The following FGF12 variants were observed in gnomAD, a reference collection of about 807,000 sequenced individuals.
FGF12 encodes fibroblast growth factor 12B.
A neutral mutation model predicts 23.6 loss-of-function variants in FGF12; 14 were observed. That is an observed-to-expected ratio of 0.59 (90% CI 0.39 to 0.93). The LOEUF (loss-of-function observed/expected upper bound fraction) is 0.93. FGF12 is among the 40% of genes least tolerant of loss of function. The pLI, the probability that FGF12 is intolerant of heterozygous loss-of-function variation, is 0.00. For missense variants in FGF12, 175 were observed against 217.8 expected (o/e 0.80, Z 1.24); for synonymous variants, 62 against 77.3 (o/e 0.80, Z 1.04).
intron 2 of FGF12, among the ~76,000 whole-genome samples, chr3:192,658,830 T>C (rs7645453): frequency 0.56 from 84,881 of 151,210 alleles, 24,238 homozygotes; most frequent in East Asian, 0.67. Flanking sequence ...TCTCTGGAAA[T>C]TTTATAGGCT....
intron 5 of FGF12, among the ~76,000 whole-genome samples, chr3:192,158,378 C>CT (rs1490109116): frequency 9.0e-6 from 1 of 111,170 alleles, no homozygotes. Flanking sequence ...TTCTTTCTTT[C>CT]TTTCTTTTCT....
At chr3:192,657,089 T>G (rs893713536) in intron 2 of FGF12, among the ~76,000 whole-genome samples, 2 of 144,784 alleles carry the variant, frequency 1.4e-5, no homozygotes, top group Admixed American at 7.1e-5. Flanking sequence ...ATATCTATGT[T>G]CTCTGCTGAG....
At chr3:192,308,466 T>C (rs1489411119) in intron 4 of FGF12, among the ~76,000 whole-genome samples, 1 of 151,892 alleles carries the variant, frequency 6.6e-6, no homozygotes, top group Non-Finnish European at 1.5e-5. Flanking sequence ...TCACTTGAGG[T>C]TGGGAATTTG....
intron 4 of FGF12, among the ~76,000 whole-genome samples, chr3:192,231,412 T>C (rs906337183): frequency 3.3e-5 from 5 of 152,282 alleles, no homozygotes; most frequent in African/African-American, 1.2e-4. Context: ...TTTTCATGCA[T>C]TTAAATTAGG....
At chr3:192,709,844 C>T (rs528621750) in intron 2 of FGF12, among the ~76,000 whole-genome samples, 2 of 152,288 alleles carry the variant, frequency 1.3e-5, no homozygotes, top group South Asian at 4.1e-4. Context: ...TACCATATTG[C>T]ATCTTGAACA....
intron 2 of FGF12, among the ~76,000 whole-genome samples, chr3:192,447,280 G>C (rs550393503): frequency 6.6e-6 from 1 of 152,184 alleles, no homozygotes; most frequent in Non-Finnish European, 1.5e-5. Context: ...TTTGTAGAAG[G>C]AGGGAGAATC....
chr3:192,154,626 G>GGGGGTCA (rs1259142017), intron 5 of FGF12, among the ~76,000 whole-genome samples: 3 of 150,418 alleles, frequency 2.0e-5, no homozygotes, highest in African/African-American at 2.5e-5. Flanking sequence ...TAGGCTGCTC[G>GGGGGTCA]GGGGTCAGGG....
intron 2 of FGF12, among the ~76,000 whole-genome samples, chr3:192,563,301 T>G (rs1312349681): frequency 6.6e-6 from 1 of 152,226 alleles, no homozygotes; most frequent in African/African-American, 2.4e-5. Context: ...CAATCTTTAA[T>G]ATCTCTCATA....
At chr3:192,158,338 C>CTTTCTT (rs1714566973) in intron 5 of FGF12, among the ~76,000 whole-genome samples, 1 of 69,094 alleles carries the variant, frequency 1.4e-5, no homozygotes, top group Non-Finnish European at 3.3e-5. Flanking sequence ...CTTTCTCTTT[C>CTTTCTT]TTTCTTTCTT....
At chr3:192,655,306 G>A (rs1435205512) in intron 2 of FGF12, among the ~76,000 whole-genome samples, 1 of 152,154 alleles carries the variant, frequency 6.6e-6, no homozygotes, top group Non-Finnish European at 1.5e-5. Context: ...ACAATTTTAA[G>A]AGGGACTTCA....
chr3:192,563,434 C>A (rs1712134927), intron 2 of FGF12, among the ~76,000 whole-genome samples: 1 of 152,180 alleles, frequency 6.6e-6, no homozygotes, highest in African/African-American at 2.4e-5. Flanking sequence ...TCCCATCCTC[C>A]TCCTAGTTTG....
intron 2 of FGF12, among the ~76,000 whole-genome samples, chr3:192,457,469 A>T (rs866889724): frequency 2.6e-5 from 4 of 152,178 alleles, no homozygotes; most frequent in Admixed American, 6.5e-5. Context: ...GGAGATGAGG[A>T]ACTTGTTGGG....
intron 4 of FGF12, among the ~76,000 whole-genome samples, chr3:192,268,300 T>C (rs1457710387): frequency 6.6e-6 from 1 of 152,166 alleles, no homozygotes; most frequent in East Asian, 1.9e-4. Context: ...TCTGGGGAGC[T>C]GTGGTGGCCT....
intron 2 of FGF12, among the ~76,000 whole-genome samples, chr3:192,692,484 C>A (rs540572050): frequency 6.6e-6 from 1 of 152,114 alleles, no homozygotes. Flanking sequence ...GCAGGCAGAT[C>A]GCTAGAGCTC....
At chr3:192,463,176 T>C (rs1340867324) in intron 2 of FGF12, among the ~76,000 whole-genome samples, 1 of 152,164 alleles carries the variant, frequency 6.6e-6, no homozygotes, top group Non-Finnish European at 1.5e-5. Context: ...CCCAGCACTT[T>C]GTGGGGCTGA....
chr3:192,158,357 T>TCTTC (rs1560171352), intron 5 of FGF12, among the ~76,000 whole-genome samples: 4 of 113,754 alleles, frequency 3.5e-5, no homozygotes, highest in African/African-American at 1.2e-4. Context: ...TTTCTTTCTT[T>TCTTC]CTTTCTTTCT....
chr3:192,641,761 A>G (rs1459560013), intron 2 of FGF12, among the ~76,000 whole-genome samples: 1 of 152,228 alleles, frequency 6.6e-6, no homozygotes, highest in Non-Finnish European at 1.5e-5. Flanking sequence ...AATGAAAATT[A>G]TATAAAATTC....
At chr3:192,334,427 C>T (rs1717284730) in intron 4 of FGF12, among the ~76,000 whole-genome samples, 1 of 151,822 alleles carries the variant, frequency 6.6e-6, no homozygotes, top group African/African-American at 2.4e-5. Flanking sequence ...TTACTGAGAT[C>T]ATAAAAAGTA....
chr3:192,226,508 T>C (rs1203770967), intron 4 of FGF12, among the ~76,000 whole-genome samples: 6 of 152,164 alleles, frequency 3.9e-5, no homozygotes, highest in African/African-American at 1.2e-4. Flanking sequence ...CTATGTATAA[T>C]GCACACACAA....
Sources: gnomAD v4.1 joint callset for allele counts (sites outside exome capture counted in the v4.1 genomes callset) on GRCh38, gnomAD v4.1.1 for gene constraint, MANE v1.5 for transcripts, NCBI Gene and HGNC (gene_info 2026-07-23, HGNC 2026-07-21) for gene names.